OAF: variants seen among roughly 807,000 people sequenced by gnomAD.
OAF encodes the protein out at first homolog.
Under a neutral mutation model 22.5 loss-of-function variants are expected in OAF, and 13 were observed. That is an observed-to-expected ratio of 0.58 (90% confidence interval 0.38 to 0.92). The LOEUF is 0.92. Among genes scored for constraint, OAF ranks in the 40% least tolerant of loss-of-function variants. The pLI is 0.00. For missense variants in OAF, 347 were observed against 381.8 expected, an observed-to-expected ratio of 0.91 and a Z score of 0.76; for synonymous variants, 175 against 170.5, an observed-to-expected ratio of 1.03 and a Z score of -0.21.
intron 2 of OAF, 106 bp from the exon 3 acceptor site, chr11:120,226,710 G>C: frequency 9.7e-7 from 1 of 1,026,732 alleles, no homozygotes; most frequent in South Asian, 1.6e-5. Context: ...TGGCCCCAGC[G>C]TTCTAAAGGC....
rs1938145452 is a variant in OAF, at chr11:120,211,441, G to A, written c.162G>A (p.Ala54=). The A allele has an allele frequency of 6.4e-7, 1 of 1,565,134 alleles. No homozygotes were observed. The highest frequency in any genetic ancestry group is 1.4e-5 in the African/African-American group (1 of 71,250). The change falls in exon 1 of 4, where the codon GCG becomes GCA. Residue 54 remains alanine, a synonymous_variant. Coordinates refer to ENST00000328965, the MANE Select transcript of OAF (RefSeq NM_178507.4). ...AGAGCCTGCAGGCGGACAGCGACGC[G>A]GACAGCATCAGCCTCGAGCTGCGCA... ...TEESLQADSD[A]DSISLELRKP... is the part of the protein sequence containing the mutation.
At chr11:120,226,492 C>A (rs538337183) in intron 2 of OAF, among the ~76,000 whole-genome samples, 68 of 152,356 alleles carry the variant, frequency 4.5e-4, no homozygotes, top group Non-Finnish European at 8.1e-4. Flanking sequence ...TTCCAGAGGT[C>A]ATATGCCCTG....
At chr11:120,215,331 G>A (rs371320294) in intron 1 of OAF, among the ~76,000 whole-genome samples, 45 of 152,276 alleles carry the variant, frequency 3.0e-4, no homozygotes, top group African/African-American at 9.6e-4. Flanking sequence ...TCCAGTCTGG[G>A]TGACAAAAGA....
chr11:120,217,195 A>G (rs1302752247), intron 1 of OAF: 1 of 152,232 alleles, frequency 6.6e-6, no homozygotes, highest in East Asian at 1.9e-4. Context: ...CCTCCAGTGG[A>G]TGGAGTGTTG....
At chr11:120,216,198 G>T (rs899105455) in intron 1 of OAF, among the ~76,000 whole-genome samples, 3 of 152,166 alleles carry the variant, frequency 2.0e-5, no homozygotes, top group Admixed American at 2.0e-4. Context: ...GTCTGTGGGT[G>T]GGGGAGCAAC....
intron 1 of OAF, among the ~76,000 whole-genome samples, chr11:120,212,878 C>T (rs935365212): frequency 6.8e-6 from 1 of 147,478 alleles, no homozygotes; most frequent in African/African-American, 2.5e-5. Flanking sequence ...GTAGCCCATC[C>T]TTACTCCGCA....
At chr11:120,226,232 C>T (rs1938355456) in intron 2 of OAF, among the ~76,000 whole-genome samples, 1 of 152,226 alleles carries the variant, frequency 6.6e-6, no homozygotes, top group African/African-American at 2.4e-5. Flanking sequence ...GACAAGTTAC[C>T]TTCAAAGCCA....
At chr11:120,222,938 A>AC (rs1938301171) in intron 1 of OAF, among the ~76,000 whole-genome samples, 2 of 150,800 alleles carry the variant, frequency 1.3e-5, no homozygotes, top group African/African-American at 4.9e-5. Context: ...AAAAAACAAA[A>AC]AAAGAAGTCC....
At chr11:120,223,602 C>T (rs538317230) in intron 1 of OAF, among the ~76,000 whole-genome samples, 2 of 152,244 alleles carry the variant, frequency 1.3e-5, no homozygotes, top group African/African-American at 4.8e-5. Context: ...AATATAGAAG[C>T]AGGAAAAAAG....
At chr11:120,225,933 C>A in intron 2 of OAF, 138 bp downstream of exon 2, 1 of 712,662 alleles carries the variant, frequency 1.4e-6, no homozygotes, top group Non-Finnish European at 2.3e-6. Flanking sequence ...AGCTCTGATT[C>A]CCCAACCTTA....
chr11:120,229,383 G>GGC lies in OAF; in HGVS notation c.*242_*243insCG. 3.7e-6 allele frequency: 1 copy of GGC among 271,136 alleles called. No homozygotes were observed. Among genetic ancestry groups the GGC allele is most frequent in the South Asian group, 1.6e-4 (1 of 6,242 alleles). The allele number at this position is 271,136 out of a possible 1,614,324, so 16.8% of individuals were successfully genotyped here. A position where few individuals can be genotyped will look rare whatever the true frequency, so the allele number is the denominator to read the frequency against. On this transcript the variant is annotated 3_prime_UTR_variant, in exon 4 of 4. Transcript: ENST00000328965. ...TCCTTGCGGGCAGAGAGGGAGAGAA[G>GGC]GGCTCCCCAGATCTACACCCCTCCC...
intron 1 of OAF, among the ~76,000 whole-genome samples, chr11:120,223,596 T>C (rs1335617380): frequency 6.6e-6 from 1 of 152,252 alleles, no homozygotes; most frequent in Non-Finnish European, 1.5e-5. Context: ...ATTATTAATA[T>C]AGAAGCAGGA....
intron 1 of OAF, among the ~76,000 whole-genome samples, chr11:120,214,147 G>A (rs908481041): frequency 6.6e-6 from 1 of 152,216 alleles, no homozygotes; most frequent in Non-Finnish European, 1.5e-5. Flanking sequence ...ATTTGATCAC[G>A]TTGGGGAGAA....
chr11:120,225,508 G>A (rs967963332), intron 1 of OAF, among the ~76,000 whole-genome samples, 153 bp from the exon 2 acceptor site: 1 of 152,164 alleles, frequency 6.6e-6, no homozygotes, highest in Non-Finnish European at 1.5e-5. Flanking sequence ...GGGTTTAAAC[G>A]GAAAAGATAA....
At chr11:120,218,230 C>T (rs1053940525) in intron 1 of OAF, among the ~76,000 whole-genome samples, 57 of 152,132 alleles carry the variant, frequency 3.7e-4, no homozygotes, top group African/African-American at 1.4e-3. Flanking sequence ...TGCCCCAAGA[C>T]AAGCAGCCTC....
chr11:120,222,488 G>A (rs1452262032), intron 1 of OAF, among the ~76,000 whole-genome samples: 2 of 151,940 alleles, frequency 1.3e-5, no homozygotes, highest in East Asian at 1.9e-4. Flanking sequence ...CCTGGGAGGC[G>A]GAAGTTGCAG....
At chr11:120,214,860 C>T (rs1001900647) in intron 1 of OAF, among the ~76,000 whole-genome samples, 9 of 152,348 alleles carry the variant, frequency 5.9e-5, no homozygotes, top group African/African-American at 2.2e-4. Flanking sequence ...ACTGCAAGCC[C>T]TGCCCAGAGG....
chr11:120,227,891 C>A (rs1938382706), intron 3 of OAF, among the ~76,000 whole-genome samples: 1 of 152,106 alleles, frequency 6.6e-6, no homozygotes. Flanking sequence ...ATGCCGCAAG[C>A]TTGACATAAG....
At chr11:120,221,764 G>A (rs547613138) in intron 1 of OAF, among the ~76,000 whole-genome samples, 2 of 152,266 alleles carry the variant, frequency 1.3e-5, no homozygotes, top group East Asian at 3.9e-4. Flanking sequence ...CAGGGTACTT[G>A]CCACACCCTC....
Sources: gnomAD v4.1 joint callset for allele counts (sites outside exome capture counted in the v4.1 genomes callset) on GRCh38, gnomAD v4.1.1 for gene constraint, MANE v1.5 for transcripts, NCBI Gene and HGNC (gene_info 2026-07-23, HGNC 2026-07-21) for gene names.